The following GABRP variants were observed in gnomAD, a reference collection of about 807,000 sequenced individuals.
GABRP encodes the protein gamma-aminobutyric acid type A receptor subunit pi.
Under a neutral mutation model 47.8 loss-of-function variants are expected in GABRP, and 52 were observed. The observed-to-expected ratio is 1.09, with a 90% CI of 0.87 to 1.37. The LOEUF (loss-of-function observed/expected upper bound fraction) is 1.37, where lower values mean the gene tolerates loss of function less well. Ranked by LOEUF, GABRP falls within the 40% of genes most tolerant of loss-of-function variation. The probability of loss-of-function intolerance (pLI) is 0.00; values close to 1 mark genes in which losing one functional copy is unlikely to be tolerated. For synonymous variants in GABRP, 221 were observed against 205.8 expected, an observed-to-expected ratio of 1.07 and a Z score of -0.63; for missense variants, 525 against 542.8, an observed-to-expected ratio of 0.97 and a Z score of 0.33.
chr5:170,808,661 G>A lies in GABRP; in HGVS notation c.741G>A (p.Leu247=). 1 of 1,613,906 alleles carries A rather than the reference G, an allele frequency of 6.2e-7. No homozygotes were observed. The highest frequency in any genetic ancestry group is 8.5e-7 in the Non-Finnish European group (1 of 1,179,850). The change falls in exon 8 of 10, where the codon TTG becomes TTA. Residue 247 remains leucine, a synonymous_variant. Transcript: ENST00000265294. ...GGAGGAATGTTCTGTATTTCATTTT[G>A]GAAACCTACGTTCCTTCCACTTTCC... ...ELRRNVLYFI[L]ETYVPSTFLV...
chr5:170,801,734 G>C (rs543312524), intron 6 of GABRP, among the ~76,000 whole-genome samples: 52 of 152,250 alleles, frequency 3.4e-4, no homozygotes, highest in Admixed American at 9.8e-4. Context: ...GAGGTACTGT[G>C]GTAGATGTTT....
chr5:170,812,175 G>A lies in GABRP; in HGVS notation c.1240G>A (p.Val414Ile). ...TTTCACAATTCAAAACCCCAGTAAT[G>A]TTGATCACTATTCCAAACTACTGTT... ...DYFTIQNPSN[V>I]DHYSKLLFPL... Residue 414 changes from valine to isoleucine, a missense_variant, in exon 10 of 10, where the codon GTT becomes ATT. Val to Ile is a conservative substitution (Grantham distance 29). Coordinates refer to ENST00000265294, the MANE Select transcript of GABRP (RefSeq NM_014211.3). 2 of 1,613,978 alleles carry A rather than the reference G, an allele frequency of 1.2e-6. No homozygotes were observed. The highest frequency in any genetic ancestry group is 1.3e-5 in the African/African-American group (1 of 75,028).
chr5:170,797,051 C>A (rs1427438186), intron 5 of GABRP, among the ~76,000 whole-genome samples: 1 of 152,232 alleles, frequency 6.6e-6, no homozygotes, highest in Non-Finnish European at 1.5e-5. Flanking sequence ...CTCAGTTCTG[C>A]CACTCAGAGC....
chr5:170,787,361 G>C (rs6876041), intron 1 of GABRP, among the ~76,000 whole-genome samples: 12,860 of 152,214 alleles, frequency 0.084, 1,798 homozygotes, highest in African/African-American at 0.29. Context: ...CCCCCATTCT[G>C]CTGTCACCAG....
intron 4 of GABRP, 49 bp from the exon 5 acceptor site, chr5:170,795,159 T>C (rs1765391331): frequency 1.5e-6 from 2 of 1,369,606 alleles, no homozygotes; most frequent in Non-Finnish European, 2.1e-6. Flanking sequence ...GGTGGGGTTT[T>C]CTCACCCACT....
At chr5:170,803,280 C>T (rs965002822) in intron 6 of GABRP, among the ~76,000 whole-genome samples, 1 of 152,140 alleles carries the variant, frequency 6.6e-6, no homozygotes, top group Non-Finnish European at 1.5e-5. Context: ...TTAGTTCCAA[C>T]ACCGGCATCA....
At chr5:170,788,928 A>T (rs1272092585) in intron 2 of GABRP, among the ~76,000 whole-genome samples, 2 of 152,170 alleles carry the variant, frequency 1.3e-5, no homozygotes, top group Non-Finnish European at 2.9e-5. Context: ...TGATATTTTG[A>T]TCTATGGCAA....
intron 3 of GABRP, among the ~76,000 whole-genome samples, chr5:170,793,938 AAAT>A (rs1005808066): frequency 7.9e-5 from 12 of 152,058 alleles, no homozygotes; most frequent in Admixed American, 6.6e-4. Context: ...TCTGTCTCAA[AAAT>A]AATAATAATA....
At chr5:170,808,375 T>C (rs781728366) in intron 7 of GABRP, among the ~76,000 whole-genome samples, 4 of 152,192 alleles carry the variant, frequency 2.6e-5, no homozygotes, top group Admixed American at 6.5e-5. Context: ...GTAGGAATAC[T>C]GTGATTCAGA....
chr5:170,809,867 G>A, intron 9 of GABRP, 112 bp downstream of exon 9: 1 of 976,018 alleles, frequency 1.0e-6, no homozygotes, highest in South Asian at 1.5e-5. Flanking sequence ...GATTCCCTGT[G>A]CTCCAGTGAG....
rs79061387 is a variant in GABRP, at chr5:170,805,772, C to A, written c.598C>A (p.Arg200Ser). 3.1e-6 allele frequency: 5 copies of A among 1,614,152 alleles called. No individual in the cohort carries two copies. The highest frequency in any genetic ancestry group is 3.4e-6 in the Non-Finnish European group (4 of 1,180,006). ...CTGGCTGAGAGGGAACGACTCTGTG[C>A]GTGGACTGGAACACCTGCGGCTTGC... ...FTWLRGNDSV[R>S]GLEHLRLAQY... The change falls in exon 7 of 10, where the codon CGT (arginine) becomes AGT (serine). Residue 200 changes from arginine to serine, a missense_variant. Coordinates refer to ENST00000265294, the MANE Select transcript of GABRP (RefSeq NM_014211.3).
At chr5:170,795,809 A>G (rs1472911798) in intron 5 of GABRP, among the ~76,000 whole-genome samples, 1 of 152,200 alleles carries the variant, frequency 6.6e-6, no homozygotes, top group Non-Finnish European at 1.5e-5. Context: ...TAGCAAGGGA[A>G]GAAATAAGGG....
At chr5:170,787,723 G>A (rs184238944) in intron 1 of GABRP, among the ~76,000 whole-genome samples, 4 of 152,220 alleles carry the variant, frequency 2.6e-5, no homozygotes, top group East Asian at 1.9e-4. Flanking sequence ...GGATTAACCC[G>A]CCCACCACAC....
intron 1 of GABRP, among the ~76,000 whole-genome samples, chr5:170,785,828 G>A (rs549489755): frequency 6.6e-6 from 1 of 152,330 alleles, no homozygotes; most frequent in Non-Finnish European, 1.5e-5. Flanking sequence ...AGGGCTGGTG[G>A]GAAGAGGCTG....
At chr5:170,795,155 G>T in intron 4 of GABRP, 53 bp from the exon 5 acceptor site, 3 of 1,337,246 alleles carry the variant, frequency 2.2e-6, no homozygotes, top group Non-Finnish European at 2.1e-6. Flanking sequence ...ATTTGGTGGG[G>T]TTTTCTCACC....
chr5:170,785,958 C>A (rs534526005), intron 1 of GABRP, among the ~76,000 whole-genome samples: 1 of 152,330 alleles, frequency 6.6e-6, no homozygotes, highest in Non-Finnish European at 1.5e-5. Context: ...ATCAAATGAC[C>A]TTTTCTGTGA....
intron 7 of GABRP, among the ~76,000 whole-genome samples, chr5:170,806,402 A>G (rs1000195492): frequency 2.6e-5 from 4 of 152,170 alleles, no homozygotes; most frequent in African/African-American, 9.7e-5. Context: ...GATAATATTA[A>G]GAACGCTTAT....
At position 170,805,784 on chromosome 5, in the gene GABRP, C is replaced by A; in HGVS notation, c.610C>A (p.His204Asn). Residue 204 changes from histidine (H) to asparagine (N), a missense_variant, in exon 7 of 10, where the codon CAC becomes AAC. Coordinates refer to ENST00000265294, the MANE Select transcript of GABRP (RefSeq NM_014211.3). ...RGNDSVRGLE[H>N]LRLAQYTIER... is the part of the protein sequence containing the mutation. Reference sequence around the variant, plus strand: ...GAACGACTCTGTGCGTGGACTGGAACACCTGCGGCTTGCTCAGTACACCAT... The same window carrying A: ...GAACGACTCTGTGCGTGGACTGGAAAACCTGCGGCTTGCTCAGTACACCAT... 1 of 1,614,184 alleles carries A rather than the reference C, an allele frequency of 6.2e-7. No individual in the cohort carries two copies. Among genetic ancestry groups the A allele is most frequent in the Non-Finnish European group, 8.5e-7 (1 of 1,180,006 alleles).
chr5:170,788,799 C>G (rs540367810), intron 2 of GABRP, 131 bp downstream of exon 2: 56 of 827,848 alleles, frequency 6.8e-5, no homozygotes, highest in Non-Finnish European at 1.1e-4. Flanking sequence ...CCTGGAGCAC[C>G]GAACAATGAA....
Sources: gnomAD v4.1 joint callset for allele counts (sites outside exome capture counted in the v4.1 genomes callset) on GRCh38, gnomAD v4.1.1 for gene constraint, MANE v1.5 for transcripts, NCBI Gene and HGNC (gene_info 2026-07-23, HGNC 2026-07-21) for gene names.